The following DNAH8 variants were observed in gnomAD, a reference collection of about 807,000 sequenced individuals.
The protein encoded by DNAH8 is dynein axonemal heavy chain 8.
Under a neutral mutation model 562.1 loss-of-function variants are expected in DNAH8, and 382 were observed. The ratio of observed to expected loss-of-function variants is 0.68; its 90% CI spans 0.63 to 0.74. The LOEUF (loss-of-function observed/expected upper bound fraction) is 0.74. Ranked by LOEUF, DNAH8 falls within the 30% of genes least tolerant of loss-of-function variation. The pLI, the probability that DNAH8 is intolerant of heterozygous loss-of-function variation, is 0.00. For synonymous variants in DNAH8, 1,881 were observed against 1,919.4 expected, an observed-to-expected ratio of 0.98 and a Z score of 0.52; for missense variants, 5,203 against 5,620.4, an observed-to-expected ratio of 0.93 and a Z score of 2.37.
At chr6:38,761,852 G>A in intron 11 of DNAH8, 49 bp downstream of exon 11, 1 of 1,151,688 alleles carries the variant, frequency 8.7e-7, no homozygotes, top group Non-Finnish European at 1.2e-6. Context: ...TTCCCATCCT[G>A]CCCAATTTTA....
chr6:38,722,596 G>GTGTA (rs1762847857), intron 1 of DNAH8, among the ~76,000 whole-genome samples, 180 bp from the exon 2 acceptor site: 1 of 151,968 alleles, frequency 6.6e-6, no homozygotes, highest in Non-Finnish European at 1.5e-5. Context: ...GTGTGTGTGT[G>GTGTA]TGTGTGTGCT....
intron 61 of DNAH8, among the ~76,000 whole-genome samples, chr6:38,899,411 G>A (rs1429334318): frequency 6.6e-6 from 1 of 152,190 alleles, no homozygotes; most frequent in Non-Finnish European, 1.5e-5. Flanking sequence ...AAAAACAATT[G>A]TAAACATTTC....
chr6:38,786,895 G>A lies in DNAH8; in HGVS notation c.2526G>A (p.Gln842=), dbSNP rs141289823. Residue 842 remains glutamine (Q), a synonymous_variant, in exon 18 of 93, where the codon CAG becomes CAA. Coordinates refer to ENST00000327475, the MANE Select transcript of DNAH8 (RefSeq NM_001206927.2). ...MIKMKLDVPE[Q]AKRLLKLESK... is the part of the protein sequence containing the mutation. ...AAATGAAGTTGGATGTACCAGAACA[G>A]GCAAAGAGATTGCTAAAATTGGAAA... The A allele has an allele frequency of 4.8e-4, 780 of 1,611,562 alleles. 6 individuals are homozygous for A. The African/African-American group carries it at 9.3e-3, about 19-fold the overall frequency.
At chr6:38,845,541 C>A in intron 35 of DNAH8, 33 bp from the exon 36 acceptor site, 1 of 1,565,034 alleles carries the variant, frequency 6.4e-7, no homozygotes, top group Non-Finnish European at 8.8e-7. Context: ...TAGTTGAAAA[C>A]ATCATGACAT....
At chr6:38,883,221 T>A in intron 54 of DNAH8, 101 bp from the exon 55 acceptor site, 1 of 1,381,006 alleles carries the variant, frequency 7.2e-7, no homozygotes, top group Non-Finnish European at 9.7e-7. Context: ...TTATTAAAAA[T>A]TAGTTGTATT....
chr6:38,753,402 G>A lies in DNAH8; in HGVS notation c.1408-2570G>A, dbSNP rs1314216467. ...TTACATGTCACAAGCATTTCAGATT[G>A]CTCACAAGATTTGAAGATGCAAATA... On this transcript the variant is annotated intron_variant, in intron 9 of 92. Transcript: ENST00000327475. Among the ~76,000 whole-genome samples, 4 of 152,214 alleles carry A rather than the reference G, an allele frequency of 2.6e-5. No homozygotes were observed. The East Asian group carries it at 7.7e-4, about 29-fold the overall frequency.
chr6:39,005,507 A>T (rs946867577), intron 88 of DNAH8, among the ~76,000 whole-genome samples: 1 of 152,202 alleles, frequency 6.6e-6, no homozygotes, highest in African/African-American at 2.4e-5. Flanking sequence ...ATTTGTTATT[A>T]TGTGTCTTGT....
At chr6:38,784,253 A>C (rs1361636068) in intron 17 of DNAH8, among the ~76,000 whole-genome samples, 5 of 152,198 alleles carry the variant, frequency 3.3e-5, no homozygotes, top group South Asian at 2.1e-4. Flanking sequence ...AGGAGCTTCG[A>C]GAGGAGCTTA....
At chr6:38,729,846 A>G (rs766245136) in intron 3 of DNAH8, 56 bp from the exon 4 acceptor site, 76 of 954,540 alleles carry the variant, frequency 8.0e-5, no homozygotes, top group Non-Finnish European at 1.1e-4. Flanking sequence ...TCATCTGCAA[A>G]ATACTAAGAA....
chr6:38,788,391 C>T (rs1429040210), intron 18 of DNAH8, among the ~76,000 whole-genome samples: 3 of 152,100 alleles, frequency 2.0e-5, no homozygotes, highest in South Asian at 4.1e-4. Flanking sequence ...ACCTTGTGAC[C>T]CACCCACCTC....
chr6:39,000,389 T>C (rs1765409932), intron 88 of DNAH8, among the ~76,000 whole-genome samples: 1 of 151,780 alleles, frequency 6.6e-6, no homozygotes, highest in Non-Finnish European at 1.5e-5. Context: ...CCACTACCCC[T>C]GGGCCACAAG....
intron 82 of DNAH8, among the ~76,000 whole-genome samples, chr6:38,957,386 G>A (rs940208440): frequency 9.9e-5 from 15 of 150,794 alleles, no homozygotes; most frequent in Non-Finnish European, 3.0e-5. Flanking sequence ...ATAGTAGGGG[G>A]CTTCAACATC....
chr6:38,841,168 C>T (rs1774750096), intron 33 of DNAH8, among the ~76,000 whole-genome samples: 1 of 152,074 alleles, frequency 6.6e-6, no homozygotes, highest in African/African-American at 2.4e-5. Context: ...CCTATAATCC[C>T]AGCACTTAGG....
At chr6:38,940,781 T>TGACTA (rs1332311961) in intron 79 of DNAH8, among the ~76,000 whole-genome samples, 2 of 152,188 alleles carry the variant, frequency 1.3e-5, no homozygotes, top group African/African-American at 4.8e-5. Flanking sequence ...CCAGCTCTTA[T>TGACTA]GACTACAGAC....
intron 52 of DNAH8, among the ~76,000 whole-genome samples, chr6:38,874,375 T>A (rs1777828032): frequency 6.8e-6 from 1 of 147,474 alleles, no homozygotes; most frequent in Non-Finnish European, 1.5e-5. Context: ...TTCCTTTTCT[T>A]TCTTTTCTTT....
At chr6:38,745,884 C>T (rs569669837) in intron 8 of DNAH8, among the ~76,000 whole-genome samples, 1 of 152,328 alleles carries the variant, frequency 6.6e-6, no homozygotes, top group East Asian at 1.9e-4. Flanking sequence ...ATGTGCTCTT[C>T]CCAGTACGAC....
chr6:38,823,664 G>A lies in DNAH8; in HGVS notation c.3823G>A (p.Val1275Ile). The change falls in exon 28 of 93, where the codon GTA becomes ATA. Residue 1275 changes from valine (V) to isoleucine (I), a missense_variant. Physicochemically the swap from Val to Ile is conservative, Grantham distance 29. Around this residue, in one of 6 missense-constraint regions of DNAH8, gnomAD observed 2,176 missense variants for 2,365.1 expected, o/e 0.92. Coordinates refer to ENST00000327475, the MANE Select transcript of DNAH8 (RefSeq NM_001206927.2). The stretch of plus-strand genomic sequence containing the variant: ...TGATGAGTTGAAGCCTATTATTGTT[G>A]TAGGAGCACTTGAATTACATACAGG... ...EIDELKPIIV[V>I]GALELHTEPM... 6 of 1,601,466 alleles carry A rather than the reference G, an allele frequency of 3.7e-6. No individual in the cohort carries two copies. The highest frequency in any genetic ancestry group is 4.3e-6 in the Non-Finnish European group (5 of 1,169,906).
intron 70 of DNAH8, among the ~76,000 whole-genome samples, chr6:38,918,746 A>G (rs1215694500): frequency 6.6e-6 from 1 of 152,192 alleles, no homozygotes; most frequent in African/African-American, 2.4e-5. Flanking sequence ...AGGGAACAGA[A>G]TGAGATTCTT....
chr6:38,737,298 G>A lies in DNAH8; in HGVS notation c.952+42G>A, dbSNP rs772372174. ...ATGTTTAGCAAATTGCAAAAAAGAA[G>A]CAAATTAACTAAGATATTTCATAAA... On this transcript the variant is annotated intron_variant, in intron 6 of 92. Coordinates refer to ENST00000327475, the MANE Select transcript of DNAH8 (RefSeq NM_001206927.2). The A allele has an allele frequency of 4.2e-6, 5 of 1,192,886 alleles. No individual in the cohort carries two copies. The African/African-American group carries it at 4.7e-5, about 11-fold the overall frequency. The allele number at this position is 1,192,886 out of a possible 1,614,324, so 73.9% of individuals were successfully genotyped here. A position where few individuals can be genotyped will look rare whatever the true frequency, so the allele number is the denominator to read the frequency against.
Sources: gnomAD v4.1 joint callset for allele counts (sites outside exome capture counted in the v4.1 genomes callset) on GRCh38, gnomAD v4.1.1 for gene constraint, gnomAD v4.1.1 regional missense constraint, MANE v1.5 for transcripts, NCBI Gene and HGNC (gene_info 2026-07-23, HGNC 2026-07-21) for gene names.